The following DIP2C variants were observed in gnomAD, a reference collection of about 807,000 sequenced individuals.
DIP2C encodes the protein disco-interacting protein 2 homolog C.
DIP2C carries 33 observed loss-of-function variants against 192.4 expected under a neutral mutation model. The ratio of observed to expected loss-of-function variants is 0.17; its 90% CI spans 0.13 to 0.23. The LOEUF (loss-of-function observed/expected upper bound fraction) is 0.23, where lower values mean the gene tolerates loss of function less well. DIP2C is among the 10% of genes least tolerant of loss of function. The probability of loss-of-function intolerance (pLI) is 1.00; values close to 1 mark genes in which losing one functional copy is unlikely to be tolerated. For missense variants in DIP2C, 1,537 were observed against 2,110.1 expected, an observed-to-expected ratio of 0.73 and a Z score of 5.32; for synonymous variants, 979 against 864.1, an observed-to-expected ratio of 1.13 and a Z score of -2.33.
chr10:365,680 C>T (rs1252599844), intron 19 of DIP2C, among the ~76,000 whole-genome samples: 1 of 152,242 alleles, frequency 6.6e-6, no homozygotes, highest in East Asian at 1.9e-4. Flanking sequence ...CAGCACTGAA[C>T]GTGTGTCTGA....
At chr10:615,958 T>C (rs1455127293) in intron 1 of DIP2C, among the ~76,000 whole-genome samples, 2 of 152,196 alleles carry the variant, frequency 1.3e-5, no homozygotes, top group Non-Finnish European at 2.9e-5. Flanking sequence ...CTCACATTAA[T>C]GACCACATGA....
At chr10:577,984 G>T (rs1278289888) in intron 1 of DIP2C, among the ~76,000 whole-genome samples, 2 of 152,124 alleles carry the variant, frequency 1.3e-5, no homozygotes, top group East Asian at 3.9e-4. Flanking sequence ...TCCATCAAGG[G>T]TGAAATTCCC....
chr10:376,670 A>G (rs546657360), intron 17 of DIP2C, among the ~76,000 whole-genome samples: 3 of 151,682 alleles, frequency 2.0e-5, no homozygotes, highest in Non-Finnish European at 4.4e-5. Context: ...GTGCCGGGGC[A>G]GCCACACAAC....
intron 7 of DIP2C, among the ~76,000 whole-genome samples, chr10:414,835 TAC>T (rs1157124894): frequency 1.4e-5 from 2 of 138,426 alleles, no homozygotes; most frequent in Non-Finnish European, 3.1e-5. Flanking sequence ...AATATATATA[TAC>T]ACACACATAT....
chr10:533,681 A>T (rs1177179368), intron 1 of DIP2C, among the ~76,000 whole-genome samples: 1 of 149,762 alleles, frequency 6.7e-6, no homozygotes, highest in Non-Finnish European at 1.5e-5. Context: ...TACCTCCCTC[A>T]CAACTAGTCC....
intron 32 of DIP2C, among the ~76,000 whole-genome samples, chr10:302,050 C>T (rs1328108855): frequency 6.6e-6 from 1 of 152,036 alleles, no homozygotes; most frequent in East Asian, 1.9e-4. Flanking sequence ...ATGATCATCT[C>T]AAGTTGGGTT....
intron 1 of DIP2C, among the ~76,000 whole-genome samples, chr10:550,279 G>C (rs2130941900): frequency 6.6e-6 from 1 of 151,738 alleles, no homozygotes; most frequent in Middle Eastern, 3.4e-3. Flanking sequence ...CAAACTGCTG[G>C]GAATACAGGT....
At chr10:291,672 G>A (rs1955504273) in intron 32 of DIP2C, among the ~76,000 whole-genome samples, 1 of 152,246 alleles carries the variant, frequency 6.6e-6, no homozygotes, top group Non-Finnish European at 1.5e-5. Context: ...CCGGGTCAAA[G>A]TGTGCTGCTC....
intron 32 of DIP2C, among the ~76,000 whole-genome samples, chr10:303,283 T>C (rs3123231): frequency 0.99 from 150,578 of 152,214 alleles, 74,503 homozygotes; most frequent in Middle Eastern, 1. Context: ...ACACTGCACT[T>C]GTGAGCTAAG....
intron 1 of DIP2C, among the ~76,000 whole-genome samples, chr10:509,855 A>G (rs924291823): frequency 6.6e-6 from 1 of 151,974 alleles, no homozygotes; most frequent in Non-Finnish European, 1.5e-5. Context: ...TCTCCTCCCA[A>G]CCCACGCTTC....
intron 9 of DIP2C, among the ~76,000 whole-genome samples, chr10:405,296 G>T (rs575494183): frequency 6.6e-6 from 1 of 152,294 alleles, no homozygotes; most frequent in African/African-American, 2.4e-5. Flanking sequence ...TTTATCAGGG[G>T]TTTAAAATTC....
chr10:406,529 A>G (rs1165379428), intron 9 of DIP2C, among the ~76,000 whole-genome samples: 1 of 150,758 alleles, frequency 6.6e-6, no homozygotes, highest in Non-Finnish European at 1.5e-5. Flanking sequence ...ATCAGACCTA[A>G]CCAACTCCAT....
At chr10:489,261 C>T (rs769843472) in intron 1 of DIP2C, among the ~76,000 whole-genome samples, 41 of 152,208 alleles carry the variant, frequency 2.7e-4, no homozygotes, top group Non-Finnish European at 4.4e-5. Flanking sequence ...ATGATAGACT[C>T]GCTGCAGGTT....
At chr10:544,796 G>A (rs1364688339) in intron 1 of DIP2C, among the ~76,000 whole-genome samples, 1 of 151,736 alleles carries the variant, frequency 6.6e-6, no homozygotes, top group Non-Finnish European at 1.5e-5. Context: ...TCATTGCTGA[G>A]TAAGTTTTTA....
At chr10:587,766 C>T (rs1184455488) in intron 1 of DIP2C, among the ~76,000 whole-genome samples, 10 of 117,540 alleles carry the variant, frequency 8.5e-5, no homozygotes, top group East Asian at 2.7e-4. Flanking sequence ...CCTGACCCTG[C>T]GGAAACCCCA....
At chr10:456,049 T>C (rs1969266459) in intron 3 of DIP2C, among the ~76,000 whole-genome samples, 1 of 55,292 alleles carries the variant, frequency 1.8e-5, no homozygotes, top group Non-Finnish European at 3.0e-5. Flanking sequence ...CTGCAGTGAG[T>C]CCCTGCCTGA....
chr10:603,785 TGA>T (rs1852266162), intron 1 of DIP2C, among the ~76,000 whole-genome samples: 1 of 152,164 alleles, frequency 6.6e-6, no homozygotes, highest in Admixed American at 6.5e-5. Flanking sequence ...CTCACAGCCC[TGA>T]AAGTCAGGAG....
At chr10:579,666 T>C (rs551174764) in intron 1 of DIP2C, among the ~76,000 whole-genome samples, 2 of 152,022 alleles carry the variant, frequency 1.3e-5, no homozygotes, top group South Asian at 2.1e-4. Flanking sequence ...AGATCCATAG[T>C]GTATGTACGT....
intron 6 of DIP2C, 22 bp downstream of exon 6, chr10:419,043 G>T (rs145431952): frequency 1.9e-6 from 3 of 1,613,984 alleles, no homozygotes; most frequent in Non-Finnish European, 2.5e-6. Flanking sequence ...AGAAAAAAAC[G>T]CATCTCTCCT....
Sources: allele counts gnomAD v4.1 joint callset (sites outside exome capture counted in the v4.1 genomes callset), GRCh38; gene constraint gnomAD v4.1.1; transcripts MANE v1.5; gene names NCBI Gene and HGNC (gene_info 2026-07-23, HGNC 2026-07-21).